The following TGFB2 variants were observed in gnomAD, a reference collection of about 807,000 sequenced individuals.
TGFB2 encodes transforming growth factor beta-2 proprotein.
TGFB2 carries 13 observed loss-of-function variants against 42.7 expected under a neutral mutation model. The ratio of observed to expected loss-of-function variants is 0.30; its 90% confidence interval spans 0.20 to 0.48. The LOEUF is 0.48. TGFB2 is among the 20% of genes least tolerant of loss of function. The pLI is 0.99. For synonymous variants in TGFB2, 193 were observed against 193.6 expected, an observed-to-expected ratio of 1.00 and a Z score of 0.03; for missense variants, 390 against 517.5, an observed-to-expected ratio of 0.75 and a Z score of 2.39.
rs1571909729 is a variant in TGFB2 at position 218,443,571 on chromosome 1, T to C, written c.*2209T>C. On this transcript the variant is annotated 3_prime_UTR_variant, in exon 7 of 7. Transcript: ENST00000366930. The stretch of plus-strand genomic sequence containing the variant: ...ATTATTTTTTTGTCTTCCACTTTTC[T>C]ATTATGTGTAAATCACTTTTATTTC... 1.3e-5 allele frequency: 2 copies of C among 152,210 alleles called. No individual in the cohort carries two copies. The highest frequency in any genetic ancestry group is 2.9e-5 in the Non-Finnish European group (2 of 68,030). 9.4% of individuals were successfully genotyped at this position (152,210 alleles called of 1,614,324 possible).
chr1:218,395,462 G>A (rs6604610), intron 1 of TGFB2, among the ~76,000 whole-genome samples: 22,674 of 152,032 alleles, frequency 0.15, 3,028 homozygotes, highest in African/African-American at 0.36. Context: ...TCTGCCTGGC[G>A]TGGTAGTCAT....
intron 1 of TGFB2, among the ~76,000 whole-genome samples, chr1:218,370,513 A>T (rs1489988966): frequency 1.3e-5 from 2 of 152,226 alleles, no homozygotes; most frequent in Non-Finnish European, 2.9e-5. Context: ...TTCAAAGTTG[A>T]TATATTCAGA....
chr1:218,363,081 G>A (rs373318590), intron 1 of TGFB2, among the ~76,000 whole-genome samples: 6 of 152,130 alleles, frequency 3.9e-5, no homozygotes, highest in Admixed American at 2.0e-4. Flanking sequence ...ACATTAGAAC[G>A]TGCTAAAGGG....
Position 218,346,056 on chromosome 1 carries a change from G to GCACGCACACA in TGFB2, c.-643_-642insGCACACACAC, listed in dbSNP as rs1553291855. 6.9e-6 allele frequency among the ~76,000 whole-genome samples: 1 copy of GCACGCACACA among 145,604 alleles called. No homozygotes were observed. Among genetic ancestry groups the GCACGCACACA allele is most frequent in the South Asian group, 2.3e-4 (1 of 4,392 alleles). On this transcript the variant is annotated 5_prime_UTR_variant, in exon 1 of 7. Transcript: ENST00000366930. The surrounding 1 kb of genome is among the most constrained non-coding windows in gnomAD (Gnocchi z 4.9). ...GGGCTCGCCCCCAGCGCGCGCACAC[G>GCACGCACACA]CACACACACACACACACACACACAC...
At chr1:218,402,491 A>C (rs1658757140) in intron 1 of TGFB2, among the ~76,000 whole-genome samples, 1 of 152,208 alleles carries the variant, frequency 6.6e-6, no homozygotes, top group Non-Finnish European at 1.5e-5. Context: ...TCATGGTCTG[A>C]GGCAGCCATA....
chr1:218,397,486 C>A (rs912691006), intron 1 of TGFB2, among the ~76,000 whole-genome samples: 1 of 151,296 alleles, frequency 6.6e-6, no homozygotes, highest in Admixed American at 6.6e-5. Flanking sequence ...ATGGCGTGAA[C>A]CCGGGAGGCT....
chr1:218,423,372 G>T (rs776040288), intron 2 of TGFB2, among the ~76,000 whole-genome samples: 2 of 152,114 alleles, frequency 1.3e-5, no homozygotes, highest in Admixed American at 6.5e-5. Flanking sequence ...GCCACTATGC[G>T]CAAGGGACCA....
intron 1 of TGFB2, among the ~76,000 whole-genome samples, chr1:218,370,958 A>G (rs1240532515): frequency 2.6e-5 from 4 of 152,176 alleles, no homozygotes; most frequent in Non-Finnish European, 5.9e-5. Flanking sequence ...AGTCTACCAC[A>G]GTGTAGGTGG....
At chr1:218,409,959 G>A (rs1659042860) in intron 2 of TGFB2, among the ~76,000 whole-genome samples, 1 of 152,214 alleles carries the variant, frequency 6.6e-6, no homozygotes, top group African/African-American at 2.4e-5. Flanking sequence ...GAACTTACAT[G>A]TGAGCATAGG....
chr1:218,434,319 T>C lies in TGFB2; in HGVS notation c.644-19T>C, dbSNP rs1399837443. 1.9e-6 allele frequency: 3 copies of C among 1,613,012 alleles called. No homozygotes were observed. The East Asian group carries it at 6.7e-5, about 36-fold the overall frequency. On this transcript the variant is annotated intron_variant, in intron 3 of 6. Transcript: ENST00000366930. ...ATAGACACACATACAAATGACCTCC[T>C]TGACTTAATGTTTTCCAGACAGGAA...
chr1:218,366,063 C>T (rs937549611), intron 1 of TGFB2, among the ~76,000 whole-genome samples: 1 of 152,098 alleles, frequency 6.6e-6, no homozygotes, highest in African/African-American at 2.4e-5. Context: ...CATGTGACTG[C>T]GAAATCATTT....
At chr1:218,380,185 A>G (rs1657912143) in intron 1 of TGFB2, among the ~76,000 whole-genome samples, 1 of 152,212 alleles carries the variant, frequency 6.6e-6, no homozygotes, top group African/African-American at 2.4e-5. Flanking sequence ...ATTCATTGGA[A>G]GCTCAAGTCG....
At chr1:218,390,609 T>G (rs1044943158) in intron 1 of TGFB2, among the ~76,000 whole-genome samples, 3 of 152,150 alleles carry the variant, frequency 2.0e-5, no homozygotes, top group African/African-American at 7.3e-5. Context: ...TACTTAAACA[T>G]TTTAAAGTAC....
At chr1:218,379,467 T>TTTTC (rs1249926682) in intron 1 of TGFB2, among the ~76,000 whole-genome samples, 17 of 124,482 alleles carry the variant, frequency 1.4e-4, no homozygotes, top group East Asian at 9.2e-4. Context: ...TTTTATTTCT[T>TTTTC]TTTCTTTCTT....
At chr1:218,355,990 A>G (rs1030106103) in intron 1 of TGFB2, among the ~76,000 whole-genome samples, 7 of 152,226 alleles carry the variant, frequency 4.6e-5, no homozygotes, top group Non-Finnish European at 1.0e-4. Context: ...ATAGAGTGCT[A>G]TAGCAGAAGT....
intron 2 of TGFB2, among the ~76,000 whole-genome samples, chr1:218,417,800 A>C (rs1227469110): frequency 2.0e-5 from 3 of 152,248 alleles, no homozygotes; most frequent in Non-Finnish European, 4.4e-5. Context: ...AAGGGCCAAC[A>C]TAGAGCTTGG....
At chr1:218,409,205 G>T (rs899826310) in intron 2 of TGFB2, among the ~76,000 whole-genome samples, 1 of 152,184 alleles carries the variant, frequency 6.6e-6, no homozygotes, top group East Asian at 1.9e-4. Flanking sequence ...TGTGCGGCCC[G>T]GCTCCTGATG....
chr1:218,357,120 G>A (rs1657061444), intron 1 of TGFB2, among the ~76,000 whole-genome samples: 1 of 151,954 alleles, frequency 6.6e-6, no homozygotes, highest in South Asian at 2.1e-4. Flanking sequence ...GCTGAGGCAG[G>A]AGAATTGCTC....
At chr1:218,414,135 A>G (rs1659192633) in intron 2 of TGFB2, among the ~76,000 whole-genome samples, 1 of 152,108 alleles carries the variant, frequency 6.6e-6, no homozygotes, top group African/African-American at 2.4e-5. Flanking sequence ...TGATGCTGCA[A>G]AATTGAAAGG....
Sources: allele counts gnomAD v4.1 joint callset (sites outside exome capture counted in the v4.1 genomes callset), GRCh38; gene constraint gnomAD v4.1.1; non-coding constraint Gnocchi (gnomAD v3.1); transcripts MANE v1.5; gene names NCBI Gene and HGNC (gene_info 2026-07-23, HGNC 2026-07-21).